MLLT10: variants seen among roughly 807,000 people sequenced by gnomAD.
MLLT10 encodes the protein MLLT10 histone lysine methyltransferase DOT1L cofactor.
A neutral mutation model predicts 129.1 loss-of-function variants in MLLT10; 30 were observed. That is an observed-to-expected ratio of 0.23 (90% confidence interval 0.17 to 0.32). The LOEUF (loss-of-function observed/expected upper bound fraction) is 0.32, where lower values mean the gene tolerates loss of function less well. MLLT10 is among the 10% of genes least tolerant of loss of function. The pLI, the probability that MLLT10 is intolerant of heterozygous loss-of-function variation, is 1.00. For synonymous variants in MLLT10, 490 were observed against 446.4 expected (o/e 1.10, Z -1.23); for missense variants, 1,119 against 1,268.3 (o/e 0.88, Z 1.79).
chr10:21,673,722 A>C lies in MLLT10; in HGVS notation c.1424A>C (p.Lys475Thr). 1.2e-6 allele frequency: 2 copies of C among 1,614,178 alleles called. No individual in the cohort carries two copies. Among genetic ancestry groups the C allele is most frequent in the Non-Finnish European group, 1.7e-6 (2 of 1,180,038 alleles). Reference protein sequence around the residue: ...EKKRKGNKQSKHGPGRPKGNK... With the variant: ...EKKRKGNKQSTHGPGRPKGNK... ...AAAAGGAAAGGAAATAAACAAAGTA[A>C]GCATGGGCCTGGCAGACCCAAAGGA... is the stretch of plus-strand genomic sequence containing the variant. Residue 475 changes from lysine to threonine, a missense_variant, in exon 11 of 23, where the codon AAG becomes ACG. Around this residue, in one of 5 missense-constraint regions of MLLT10, gnomAD observed 1,004 missense variants for 1,008.7 expected, o/e 1.00. Transcript: ENST00000307729.
chr10:21,674,053 A>T, intron 11 of MLLT10, 134 bp downstream of exon 11: 2 of 718,316 alleles, frequency 2.8e-6, no homozygotes, highest in Non-Finnish European at 4.1e-6. Flanking sequence ...GAAATTTCTC[A>T]GTTTTTAAAT....
intron 3 of MLLT10, among the ~76,000 whole-genome samples, 168 bp from the exon 4 acceptor site, chr10:21,586,126 C>T (rs1329503737): frequency 6.6e-6 from 1 of 152,150 alleles, no homozygotes; most frequent in Non-Finnish European, 1.5e-5. Flanking sequence ...AAGAAGATCA[C>T]ATGTCATCAA....
chr10:21,731,345 A>G (rs1305652828), intron 17 of MLLT10, among the ~76,000 whole-genome samples: 2 of 152,080 alleles, frequency 1.3e-5, no homozygotes, highest in Non-Finnish European at 1.5e-5. Context: ...TAATGCACCC[A>G]TATCAGAGGG....
chr10:21,730,598 T>C (rs948192906), intron 16 of MLLT10, among the ~76,000 whole-genome samples: 2 of 152,234 alleles, frequency 1.3e-5, no homozygotes, highest in African/African-American at 2.4e-5. Flanking sequence ...TATAATGCCA[T>C]ACCAAGTTAT....
At chr10:21,682,339 A>G in intron 13 of MLLT10, 82 bp downstream of exon 13, 2 of 1,314,572 alleles carry the variant, frequency 1.5e-6, no homozygotes, top group African/African-American at 1.5e-5. Flanking sequence ...GAAAGCTAGC[A>G]TGTTCTATTG....
At position 21,626,891 on chromosome 10, in the gene MLLT10, C is replaced by G. The variant is rs75652469; in HGVS notation, c.699+9684C>G. On this transcript the variant is annotated intron_variant, in intron 8 of 22. Coordinates refer to ENST00000307729, the MANE Select transcript of MLLT10 (RefSeq NM_001195626.3). ...AGAGGACAGGTCTTTTCAGGAACAT[C>G]AGTTTAGAATGTGAGGGTGTGTTGG... Among the ~76,000 whole-genome samples the G allele has an allele frequency of 5.1e-3, 777 of 152,246 alleles. 6 individuals carry two copies. Among genetic ancestry groups the G allele is most frequent in the Admixed American group, 0.014 (215 of 15,304 alleles).
At chr10:21,596,507 A>C (rs986714312) in intron 5 of MLLT10, among the ~76,000 whole-genome samples, 3 of 152,192 alleles carry the variant, frequency 2.0e-5, no homozygotes, top group African/African-American at 7.2e-5. Flanking sequence ...GGAAGCTTCA[A>C]TAAATACATT....
intron 3 of MLLT10, among the ~76,000 whole-genome samples, chr10:21,570,506 T>C (rs1320657877): frequency 6.6e-6 from 1 of 152,150 alleles, no homozygotes; most frequent in Admixed American, 6.6e-5. Flanking sequence ...TATTATCTCC[T>C]GTTTTGTGGC....
chr10:21,551,047 C>G (rs953814637), intron 3 of MLLT10, among the ~76,000 whole-genome samples: 6 of 151,602 alleles, frequency 4.0e-5, no homozygotes, highest in African/African-American at 1.5e-4. Flanking sequence ...CTGCCTTAGC[C>G]TCCTGAGTAG....
chr10:21,723,165 C>CT (rs1026035633), intron 14 of MLLT10, among the ~76,000 whole-genome samples: 2 of 152,004 alleles, frequency 1.3e-5, no homozygotes, highest in African/African-American at 2.4e-5. Flanking sequence ...GATACTTTAT[C>CT]TTTTTTTGAT....
intron 3 of MLLT10, among the ~76,000 whole-genome samples, chr10:21,554,545 C>T (rs1365010815): frequency 2.6e-5 from 4 of 151,592 alleles, no homozygotes; most frequent in Non-Finnish European, 4.4e-5. Context: ...CCTCCGCCTT[C>T]CGGGTTCAAG....
chr10:21,675,950 A>T (rs1220492410), intron 11 of MLLT10, among the ~76,000 whole-genome samples: 1 of 152,112 alleles, frequency 6.6e-6, no homozygotes, highest in South Asian at 2.1e-4. Context: ...TCCTCATAGG[A>T]TGGTTGCTTT....
At chr10:21,672,482 T>G (rs2051558551) in intron 10 of MLLT10, among the ~76,000 whole-genome samples, 1 of 152,094 alleles carries the variant, frequency 6.6e-6, no homozygotes, top group African/African-American at 2.4e-5. Context: ...ATTTTTATAT[T>G]TTCAGTAGAG....
intron 13 of MLLT10, among the ~76,000 whole-genome samples, chr10:21,695,779 T>A (rs1039339638): frequency 2.0e-5 from 3 of 152,176 alleles, no homozygotes; most frequent in African/African-American, 7.2e-5. Flanking sequence ...TCCCTTCTTA[T>A]GTTAATTTAA....
intron 3 of MLLT10, among the ~76,000 whole-genome samples, chr10:21,578,104 A>G (rs985437926): frequency 3.3e-5 from 5 of 152,004 alleles, no homozygotes; most frequent in African/African-American, 1.2e-4. Flanking sequence ...CATGATGGCC[A>G]GGCTAGTCTC....
At chr10:21,549,779 C>T (rs541192893) in intron 3 of MLLT10, among the ~76,000 whole-genome samples, 1 of 150,992 alleles carries the variant, frequency 6.6e-6, no homozygotes, top group South Asian at 2.1e-4. Context: ...GCTGGGATTA[C>T]AGGTGTGTGC....
intron 4 of MLLT10, among the ~76,000 whole-genome samples, chr10:21,587,262 T>TA (rs1268050378): frequency 1.3e-5 from 2 of 151,046 alleles, no homozygotes; most frequent in African/African-American, 4.9e-5. Flanking sequence ...AAAATAAAAA[T>TA]AAAAAGACTG....
At chr10:21,652,632 C>G (rs971541265) in intron 9 of MLLT10, among the ~76,000 whole-genome samples, 2 of 152,032 alleles carry the variant, frequency 1.3e-5, no homozygotes, top group African/African-American at 4.8e-5. Flanking sequence ...GGTGAGGGAC[C>G]CATTATGCAA....
chr10:21,610,759 C>T lies in MLLT10; in HGVS notation c.406-1589C>T, dbSNP rs1320453483. ...TTTGCATATTTTCCCCAAATTTTGCCATATAGAGTGTTACTGTTTCAATGT... is the reference window on the plus strand; with the variant it reads ...TTTGCATATTTTCCCCAAATTTTGCTATATAGAGTGTTACTGTTTCAATGT... On this transcript the variant is annotated intron_variant, in intron 5 of 22. Transcript: ENST00000307729. Among the ~76,000 whole-genome samples, 8 of 151,598 alleles carry T rather than the reference C, an allele frequency of 5.3e-5. No individual in the cohort carries two copies. In the East Asian group the frequency reaches 1.4e-3, roughly 26 times the overall value.
Sources: allele counts gnomAD v4.1 joint callset (sites outside exome capture counted in the v4.1 genomes callset), GRCh38; gene constraint gnomAD v4.1.1; regional missense constraint gnomAD v4.1.1; transcripts MANE v1.5; gene names NCBI Gene and HGNC (gene_info 2026-07-23, HGNC 2026-07-21).